The following POU6F2 variants were observed in gnomAD, a reference collection of about 807,000 sequenced individuals.
POU6F2 encodes the protein POU domain, class 6, transcription factor 2.
POU6F2 carries 31 observed loss-of-function variants against 71.3 expected under a neutral mutation model. The observed-to-expected ratio is 0.43, with a 90% CI of 0.33 to 0.59. The LOEUF (loss-of-function observed/expected upper bound fraction) is 0.59. POU6F2 is among the 20% of genes least tolerant of loss of function. The probability of loss-of-function intolerance (pLI) is 0.04; values close to 1 mark genes in which losing one functional copy is unlikely to be tolerated. For synonymous variants in POU6F2, 347 were observed against 355.7 expected, an observed-to-expected ratio of 0.98 and a Z score of 0.27; for missense variants, 783 against 856.8, an observed-to-expected ratio of 0.91 and a Z score of 1.07.
chr7:39,253,338 T>C (rs1391621637), intron 4 of POU6F2, among the ~76,000 whole-genome samples: 1 of 152,144 alleles, frequency 6.6e-6, no homozygotes, highest in African/African-American at 2.4e-5. Flanking sequence ...AGAAGCAGGG[T>C]AGTAGAAGGT....
In POU6F2 at chr7:39,245,042, T is replaced by C. The variant is rs200127907; in HGVS notation, c.598+37422T>C. Among the ~76,000 whole-genome samples the C allele has an allele frequency of 1.2e-4, 19 of 152,298 alleles. No individual in the cohort carries two copies. In the East Asian group the frequency reaches 3.7e-3, roughly 29 times the overall value. ...GAGATGTCCAAAGTCTATAACCTTATAGGTATTTCACAGAAATAATGTGGG... is the reference window on the plus strand; with the variant it reads ...GAGATGTCCAAAGTCTATAACCTTACAGGTATTTCACAGAAATAATGTGGG... On this transcript the variant is annotated intron_variant, in intron 4 of 9. Coordinates refer to ENST00000518318, the MANE Select transcript of POU6F2 (RefSeq NM_001370959.1).
chr7:39,226,551 A>C (rs1247327138), intron 4 of POU6F2, among the ~76,000 whole-genome samples: 1 of 152,220 alleles, frequency 6.6e-6, no homozygotes, highest in African/African-American at 2.4e-5. Flanking sequence ...AGACCCTTTA[A>C]AATGTACATG....
intron 4 of POU6F2, among the ~76,000 whole-genome samples, chr7:39,230,024 G>T (rs1189613208): frequency 1.3e-5 from 2 of 152,260 alleles, no homozygotes; most frequent in Non-Finnish European, 2.9e-5. Context: ...GCGATTAAGA[G>T]ATTTTTCCAA....
intron 1 of POU6F2, among the ~76,000 whole-genome samples, chr7:38,989,105 C>T (rs1023296278): frequency 6.6e-6 from 1 of 151,986 alleles, no homozygotes; most frequent in African/African-American, 2.4e-5. Flanking sequence ...TGATAGCTTT[C>T]GTCAAAGAGC....
chr7:39,205,428 T>C (rs957767720), intron 3 of POU6F2, among the ~76,000 whole-genome samples: 1 of 151,612 alleles, frequency 6.6e-6, no homozygotes, highest in Non-Finnish European at 1.5e-5. Flanking sequence ...CAGTGAGGAG[T>C]GGTGGCCCTC....
chr7:39,299,386 T>G (rs1344444953), intron 4 of POU6F2, among the ~76,000 whole-genome samples: 1 of 152,178 alleles, frequency 6.6e-6, no homozygotes, highest in African/African-American at 2.4e-5. Context: ...AAGATCTGTT[T>G]GGGTCCACTT....
chr7:39,406,566 G>A (rs745382420), intron 5 of POU6F2, 34 bp from the exon 6 acceptor site: 1 of 1,606,964 alleles, frequency 6.2e-7, no homozygotes, highest in Non-Finnish European at 8.5e-7. Flanking sequence ...GTGCCTCTCG[G>A]TGGTTTTCAC....
chr7:39,130,346 C>CTTAAAT (rs1418568627), intron 2 of POU6F2, among the ~76,000 whole-genome samples: 1 of 152,070 alleles, frequency 6.6e-6, no homozygotes, highest in Non-Finnish European at 1.5e-5. Flanking sequence ...TGCATTTTTC[C>CTTAAAT]TTAAGGATTT....
chr7:39,251,137 A>G (rs1238290884), intron 4 of POU6F2, among the ~76,000 whole-genome samples: 1 of 152,210 alleles, frequency 6.6e-6, no homozygotes, highest in Non-Finnish European at 1.5e-5. Flanking sequence ...GTGGTCCCAC[A>G]TTCATCTGGA....
chr7:39,433,012 G>A (rs1562550567), intron 6 of POU6F2, 65 bp from the exon 7 acceptor site: 2 of 1,531,000 alleles, frequency 1.3e-6, no homozygotes, highest in East Asian at 2.3e-5. Context: ...GGCACTGCAT[G>A]GTCTTCAGTT....
chr7:39,154,433 C>A (rs1792824063), intron 2 of POU6F2, among the ~76,000 whole-genome samples: 1 of 152,182 alleles, frequency 6.6e-6, no homozygotes, highest in South Asian at 2.1e-4. Flanking sequence ...ACTAGCACAG[C>A]AAGTGCTCCC....
In POU6F2 at chr7:39,225,663, A is replaced by T. The variant is rs542261199; in HGVS notation, c.598+18043A>T. Among the ~76,000 whole-genome samples, 7 of 152,346 alleles carry T rather than the reference A, an allele frequency of 4.6e-5. No individual in the cohort carries two copies. The East Asian group carries it at 1.3e-3, about 29-fold the overall frequency. On this transcript the variant is annotated intron_variant, in intron 4 of 9. Transcript: ENST00000518318. ...AATTCCACATCCACGACATTCATAG[A>T]ATTATCAGGTATAAAAGAGACTTTG...
chr7:39,373,881 G>T (rs975974414), intron 5 of POU6F2, among the ~76,000 whole-genome samples: 3 of 151,808 alleles, frequency 2.0e-5, no homozygotes, highest in African/African-American at 7.3e-5. Context: ...CCAAAAAGAA[G>T]TTTTTTTTCA....
At chr7:39,452,674 C>G (rs534100506) in intron 8 of POU6F2, among the ~76,000 whole-genome samples, 22 of 152,126 alleles carry the variant, frequency 1.4e-4, no homozygotes, top group Non-Finnish European at 2.5e-4. Context: ...ACAAGTAATC[C>G]TCCTCAAAAA....
intron 1 of POU6F2, among the ~76,000 whole-genome samples, chr7:39,065,417 G>T (rs973083935): frequency 6.6e-6 from 1 of 151,326 alleles, no homozygotes; most frequent in South Asian, 2.1e-4. Context: ...TTTTTTAAAC[G>T]GATAAATAAA....
chr7:39,095,373 C>T (rs144063629), intron 2 of POU6F2, among the ~76,000 whole-genome samples: 16 of 152,130 alleles, frequency 1.1e-4, no homozygotes, highest in Non-Finnish European at 2.2e-4. Flanking sequence ...AATCTGCAGG[C>T]CATCAGAAAA....
intron 4 of POU6F2, among the ~76,000 whole-genome samples, chr7:39,252,417 C>G (rs1215941474): frequency 6.6e-6 from 1 of 151,846 alleles, no homozygotes; most frequent in African/African-American, 2.4e-5. Flanking sequence ...CACACACACA[C>G]ACACACACAC....
intron 1 of POU6F2, among the ~76,000 whole-genome samples, chr7:39,058,436 G>T (rs981758546): frequency 6.6e-6 from 1 of 152,186 alleles, no homozygotes; most frequent in African/African-American, 2.4e-5. Context: ...ACAGTGCAGA[G>T]GGTCCCATTT....
intron 1 of POU6F2, among the ~76,000 whole-genome samples, chr7:39,053,464 T>G (rs576751878): frequency 1.2e-4 from 18 of 152,242 alleles, no homozygotes; most frequent in Admixed American, 5.9e-4. Flanking sequence ...ATACATATAT[T>G]AAATATGTAT....
Sources: gnomAD v4.1 joint callset for allele counts (sites outside exome capture counted in the v4.1 genomes callset) on GRCh38, gnomAD v4.1.1 for gene constraint, MANE v1.5 for transcripts, NCBI Gene and HGNC (gene_info 2026-07-23, HGNC 2026-07-21) for gene names.